The following NOL4 variants were observed in gnomAD, a reference collection of about 807,000 sequenced individuals.
NOL4 encodes the protein cancer/testis antigen 125.
Under a neutral mutation model 75.9 loss-of-function variants are expected in NOL4, and 17 were observed. The observed-to-expected ratio is 0.22, with a 90% CI of 0.15 to 0.34. The LOEUF (loss-of-function observed/expected upper bound fraction) is 0.34. NOL4 is among the 10% of genes least tolerant of loss of function. The pLI, the probability that NOL4 is intolerant of heterozygous loss-of-function variation, is 1.00. For synonymous variants in NOL4, 292 were observed against 289.9 expected (o/e 1.01, Z -0.07); for missense variants, 614 against 793.5 (o/e 0.77, Z 2.72).
At chr18:33,951,119 A>G (rs2069188058) in intron 8 of NOL4, among the ~76,000 whole-genome samples, 1 of 152,158 alleles carries the variant, frequency 6.6e-6, no homozygotes, top group Non-Finnish European at 1.5e-5. Flanking sequence ...TCAGATGCTC[A>G]CCAATGCTGC....
rs146003162 is a variant in NOL4, at chr18:33,995,169, A to C, written c.1056+24149T>G. Among the ~76,000 whole-genome samples, 1,229 of 151,712 alleles carry C rather than the reference A, an allele frequency of 8.1e-3. 19 individuals are homozygous for C. The highest frequency in any genetic ancestry group is 0.029 in the African/African-American group (1,189 of 41,520). ...AAGTCCCAAATTGCTTCACTTTTGAATTCTACCAAACGTTTAAAAACAGAT... is the reference window on the plus strand; with the variant it reads ...AAGTCCCAAATTGCTTCACTTTTGACTTCTACCAAACGTTTAAAAACAGAT... On this transcript the variant is annotated intron_variant, in intron 6 of 10. Transcript: ENST00000261592.
chr18:33,982,991 C>T (rs1164610590), intron 6 of NOL4, among the ~76,000 whole-genome samples: 1 of 151,978 alleles, frequency 6.6e-6, no homozygotes, highest in Non-Finnish European at 1.5e-5. Context: ...CTCAGGTGAT[C>T]CACCTGCCTC....
chr18:33,867,875 G>C (rs538475446), intron 10 of NOL4, among the ~76,000 whole-genome samples: 2 of 152,120 alleles, frequency 1.3e-5, no homozygotes, highest in African/African-American at 4.8e-5. Flanking sequence ...TAATATTTCA[G>C]CTTGACTCCA....
intron 5 of NOL4, among the ~76,000 whole-genome samples, chr18:34,085,888 T>A (rs1338506385): frequency 2.0e-5 from 3 of 152,150 alleles, no homozygotes; most frequent in African/African-American, 7.2e-5. Flanking sequence ...TGAACACACA[T>A]ATACACACAA....
chr18:34,024,677 G>A (rs2075256909), intron 5 of NOL4, among the ~76,000 whole-genome samples: 1 of 152,062 alleles, frequency 6.6e-6, no homozygotes, highest in African/African-American at 2.4e-5. Context: ...TAGGCTGAAT[G>A]AATCCTTGGT....
chr18:34,082,476 G>A (rs185803429), intron 5 of NOL4, among the ~76,000 whole-genome samples: 5 of 152,224 alleles, frequency 3.3e-5, no homozygotes, highest in Admixed American at 2.0e-4. Flanking sequence ...TTTAGTTCTC[G>A]TCATCATCTG....
At chr18:33,905,987 C>T (rs2066017689) in intron 9 of NOL4, among the ~76,000 whole-genome samples, 1 of 152,108 alleles carries the variant, frequency 6.6e-6, no homozygotes, top group East Asian at 1.9e-4. Flanking sequence ...AAAAGGAGGC[C>T]TAGCATGACT....
At chr18:34,204,046 T>G (rs2035947852) in intron 1 of NOL4, among the ~76,000 whole-genome samples, 1 of 152,106 alleles carries the variant, frequency 6.6e-6, no homozygotes, top group African/African-American at 2.4e-5. Context: ...TGGCCTCACC[T>G]GAAGCCACCC....
intron 1 of NOL4, among the ~76,000 whole-genome samples, chr18:34,202,874 G>T (rs974872874): frequency 3.9e-5 from 6 of 151,976 alleles, no homozygotes; most frequent in African/African-American, 1.4e-4. Context: ...AGACACTCTG[G>T]TAAACAATTT....
intron 1 of NOL4, among the ~76,000 whole-genome samples, chr18:34,162,967 TA>T (rs1171781193): frequency 3.9e-5 from 6 of 152,168 alleles, no homozygotes; most frequent in Non-Finnish European, 4.4e-5. Context: ...ATCCAGCATA[TA>T]AACAGAACCT....
intron 10 of NOL4, among the ~76,000 whole-genome samples, chr18:33,870,580 A>C (rs2063651399): frequency 6.6e-6 from 1 of 152,064 alleles, no homozygotes; most frequent in Non-Finnish European, 1.5e-5. Flanking sequence ...AGAGCTGAGT[A>C]TATTATAAAT....
chr18:33,890,185 A>T (rs891789085), intron 9 of NOL4, among the ~76,000 whole-genome samples: 6 of 152,170 alleles, frequency 3.9e-5, no homozygotes, highest in Non-Finnish European at 7.4e-5. Context: ...CAACTTCAGC[A>T]AAGTCTCAGA....
At chr18:34,163,222 T>C (rs1286050376) in intron 1 of NOL4, among the ~76,000 whole-genome samples, 1 of 152,094 alleles carries the variant, frequency 6.6e-6, no homozygotes, top group African/African-American at 2.4e-5. Context: ...TTCAACATAG[T>C]GTTGGAAGTT....
chr18:34,029,785 C>T (rs1160063667), intron 5 of NOL4, among the ~76,000 whole-genome samples: 2 of 152,076 alleles, frequency 1.3e-5, no homozygotes, highest in Non-Finnish European at 2.9e-5. Context: ...GTGGATTGAG[C>T]ATTATTTTCT....
At chr18:33,956,102 T>G (rs1182183807) in intron 8 of NOL4, among the ~76,000 whole-genome samples, 4 of 152,126 alleles carry the variant, frequency 2.6e-5, no homozygotes, top group African/African-American at 9.7e-5. Context: ...TTCATAAAGC[T>G]GTGCTTTTTA....
intron 1 of NOL4, among the ~76,000 whole-genome samples, chr18:34,211,667 A>C (rs974341281): frequency 2.6e-5 from 4 of 152,232 alleles, no homozygotes; most frequent in Admixed American, 1.3e-4. Flanking sequence ...ATTTTCTAAC[A>C]GCTCCAAAAC....
chr18:34,222,950 G>A, intron 1 of NOL4, 40 bp downstream of exon 1: 2 of 1,593,968 alleles, frequency 1.3e-6, no homozygotes, highest in South Asian at 2.2e-5. Flanking sequence ...CCGCCGGGCT[G>A]CTCCGGCAGA....
intron 9 of NOL4, among the ~76,000 whole-genome samples, chr18:33,892,445 T>A (rs2065147504): frequency 6.6e-6 from 1 of 151,968 alleles, no homozygotes; most frequent in Middle Eastern, 3.4e-3. Context: ...TGTAAATAAA[T>A]AATAAATAAA....
intron 1 of NOL4, among the ~76,000 whole-genome samples, chr18:34,211,909 G>C (rs1015581502): frequency 7.9e-5 from 12 of 151,846 alleles, no homozygotes; most frequent in Admixed American, 3.9e-4. Flanking sequence ...CCAAATGTTA[G>C]GTAGATCTTC....
Sources: gnomAD v4.1 joint callset for allele counts (sites outside exome capture counted in the v4.1 genomes callset) on GRCh38, gnomAD v4.1.1 for gene constraint, MANE v1.5 for transcripts, NCBI Gene and HGNC (gene_info 2026-07-23, HGNC 2026-07-21) for gene names.